Variants in NALCN observed in about 807,000 individuals in gnomAD.
The protein encoded by NALCN is sodium leak channel NALCN.
NALCN carries 111 observed loss-of-function variants against 225.3 expected under a neutral mutation model. That is an observed-to-expected ratio of 0.49 (90% confidence interval 0.42 to 0.58). The LOEUF (loss-of-function observed/expected upper bound fraction) is 0.58. Ranked by LOEUF, NALCN falls within the 20% of genes least tolerant of loss-of-function variation. The probability of loss-of-function intolerance (pLI) is 0.00; values close to 1 mark genes in which losing one functional copy is unlikely to be tolerated. For missense variants in NALCN, 1,378 were observed against 2,202.4 expected (o/e 0.63, Z 7.49); for synonymous variants, 764 against 769.0 (o/e 0.99, Z 0.11).
At chr13:101,286,383 C>G (rs745435905) in intron 9 of NALCN, among the ~76,000 whole-genome samples, 1 of 152,064 alleles carries the variant, frequency 6.6e-6, no homozygotes, top group Non-Finnish European at 1.5e-5. Flanking sequence ...AAGCAGAAAC[C>G]CTCTTTTCCT....
intron 13 of NALCN, among the ~76,000 whole-genome samples, chr13:101,218,804 C>A (rs2040834812): frequency 6.6e-6 from 1 of 152,094 alleles, no homozygotes; most frequent in South Asian, 2.1e-4. Context: ...GTGGTTTCCC[C>A]AGGAGCCAAG....
chr13:101,135,813 C>G (rs2036756652), intron 17 of NALCN, among the ~76,000 whole-genome samples: 1 of 152,110 alleles, frequency 6.6e-6, no homozygotes, highest in Admixed American at 6.6e-5. Context: ...AAACTGTAGT[C>G]AGAAGAGGAA....
At chr13:101,407,622 A>T (rs2047660876) in intron 1 of NALCN, among the ~76,000 whole-genome samples, 1 of 152,228 alleles carries the variant, frequency 6.6e-6, no homozygotes, top group African/African-American at 2.4e-5. Flanking sequence ...TCTCTGAAGT[A>T]GTTTTTAGTA....
intron 30 of NALCN, among the ~76,000 whole-genome samples, chr13:101,084,902 A>C (rs2033855523): frequency 6.6e-6 from 1 of 152,160 alleles, no homozygotes; most frequent in South Asian, 2.1e-4. Context: ...AAGAGCAAAA[A>C]CCAAAACAAA....
intron 7 of NALCN, among the ~76,000 whole-genome samples, chr13:101,340,198 G>A (rs2045512058): frequency 1.3e-5 from 2 of 151,562 alleles, no homozygotes; most frequent in Admixed American, 1.3e-4. Context: ...AACCCAGGAG[G>A]CAAAGTTTGC....
intron 9 of NALCN, among the ~76,000 whole-genome samples, chr13:101,288,420 C>A (rs911275753): frequency 6.6e-6 from 1 of 152,174 alleles, no homozygotes; most frequent in Admixed American, 6.5e-5. Context: ...CATTTTGGAT[C>A]ATGTGTCTTT....
chr13:101,170,915 ATCTG>A (rs1160801963), intron 15 of NALCN, among the ~76,000 whole-genome samples: 4 of 152,196 alleles, frequency 2.6e-5, no homozygotes, highest in Admixed American at 2.0e-4. Flanking sequence ...AACCCTTTAT[ATCTG>A]TCTTTCACCA....
intron 7 of NALCN, among the ~76,000 whole-genome samples, chr13:101,317,644 C>T (rs1475284916): frequency 6.6e-6 from 1 of 152,170 alleles, no homozygotes; most frequent in Non-Finnish European, 1.5e-5. Flanking sequence ...CCTTTAGCGA[C>T]TCCTGTGATT....
At chr13:101,360,812 T>C (rs1594741758) in intron 6 of NALCN, among the ~76,000 whole-genome samples, 2 of 152,204 alleles carry the variant, frequency 1.3e-5, no homozygotes, top group African/African-American at 4.8e-5. Flanking sequence ...TTACCTCTGG[T>C]GCTCCTTGGA....
At chr13:101,307,273 G>T (rs1024187115) in intron 7 of NALCN, among the ~76,000 whole-genome samples, 6 of 152,188 alleles carry the variant, frequency 3.9e-5, no homozygotes, top group Admixed American at 2.0e-4. Context: ...ACAGACAACT[G>T]TTGGCCACAA....
At position 101,107,694 on chromosome 13, in the gene NALCN, G is replaced by A. The variant is rs1288141165; in HGVS notation, c.2456+4C>T. ...GAGCCATGGGACACTGCAGCAACCT[G>A]TACCTTTTCATCTCTGCTTGCTCCT... On this transcript the variant is annotated splice_donor_region_variant and intron_variant, in intron 21 of 43. Coordinates refer to ENST00000251127, the MANE Select transcript of NALCN (RefSeq NM_052867.4). 5.0e-6 allele frequency: 8 copies of A among 1,613,700 alleles called. No homozygotes were observed. The highest frequency in any genetic ancestry group is 6.8e-6 in the Non-Finnish European group (8 of 1,179,916).
intron 18 of NALCN, among the ~76,000 whole-genome samples, chr13:101,119,104 C>G (rs962241009): frequency 6.6e-6 from 1 of 151,988 alleles, no homozygotes; most frequent in Non-Finnish European, 1.5e-5. Context: ...AGATATTTCT[C>G]GAATGAATGC....
Position 101,059,940 on chromosome 13 carries a change from G to C in NALCN, c.4783C>G (p.His1595Asp), listed in dbSNP as rs1220753809. 6.2e-7 allele frequency: 1 copy of C among 1,613,946 alleles called. No homozygotes were observed. Among genetic ancestry groups the C allele is most frequent in the South Asian group, 1.1e-5 (1 of 91,074 alleles). The change falls in exon 42 of 44, where the codon CAC (histidine) becomes GAC (aspartate). Residue 1595 changes from histidine to aspartate, a missense_variant. Transcript: ENST00000251127. ...AKQQQSCSIIHSLRESQQQEL... is the reference protein window; with the variant it reads ...AKQQQSCSIIDSLRESQQQEL... ...TGCTGCTGACTCTCTCTCAGGCTGT[G>C]GATGATACTGCACGACTGCTGCTGT...
intron 14 of NALCN, among the ~76,000 whole-genome samples, chr13:101,190,073 A>G (rs2039622236): frequency 6.6e-6 from 1 of 152,180 alleles, no homozygotes; most frequent in Non-Finnish European, 1.5e-5. Context: ...AAAAAATATT[A>G]CTTTACTAAA....
chr13:101,131,828 T>C (rs1204782914), intron 17 of NALCN, among the ~76,000 whole-genome samples: 3 of 152,162 alleles, frequency 2.0e-5, no homozygotes, highest in Non-Finnish European at 4.4e-5. Context: ...TGTTTTCATG[T>C]GGGAATTCAA....
intron 10 of NALCN, among the ~76,000 whole-genome samples, chr13:101,265,692 G>A (rs2042573590): frequency 6.6e-6 from 1 of 152,178 alleles, no homozygotes; most frequent in African/African-American, 2.4e-5. Flanking sequence ...AACTCTGTGA[G>A]GTAGATACTT....
chr13:101,159,175 CCTGA>C (rs1204988719), intron 15 of NALCN, among the ~76,000 whole-genome samples: 1 of 152,168 alleles, frequency 6.6e-6, no homozygotes, highest in Admixed American at 6.5e-5. Flanking sequence ...TCATCACTTT[CCTGA>C]CTTTTATTCT....
chr13:101,293,172 C>T (rs928218222), intron 7 of NALCN, among the ~76,000 whole-genome samples: 2 of 152,160 alleles, frequency 1.3e-5, no homozygotes, highest in African/African-American at 4.8e-5. Flanking sequence ...GGAATTAACT[C>T]AGTCATTCTG....
intron 7 of NALCN, among the ~76,000 whole-genome samples, chr13:101,337,223 C>T (rs1428082186): frequency 6.6e-6 from 1 of 152,130 alleles, no homozygotes; most frequent in African/African-American, 2.4e-5. Flanking sequence ...AGACCAACCC[C>T]TTAAGGGGCC....
Sources: gnomAD v4.1 joint callset for allele counts (sites outside exome capture counted in the v4.1 genomes callset) on GRCh38, gnomAD v4.1.1 for gene constraint, MANE v1.5 for transcripts, NCBI Gene and HGNC (gene_info 2026-07-23, HGNC 2026-07-21) for gene names.